The following CCL28 variants were observed in gnomAD, a reference collection of about 807,000 sequenced individuals.
CCL28 encodes the protein C-C motif chemokine ligand 28.
A neutral mutation model predicts 7.1 loss-of-function variants in CCL28; 4 were observed. The ratio of observed to expected loss-of-function variants is 0.56; its 90% confidence interval spans 0.28 to 1.29. The LOEUF (loss-of-function observed/expected upper bound fraction) is 1.29, where lower values mean the gene tolerates loss of function less well. Ranked by LOEUF, CCL28 falls within the 50% of genes most tolerant of loss-of-function variation. The pLI, the probability that CCL28 is intolerant of heterozygous loss-of-function variation, is 0.11. For synonymous variants in CCL28, 55 were observed against 57.8 expected (o/e 0.95, Z 0.22); for missense variants, 151 against 163.4 (o/e 0.92, Z 0.41).
At chr5:43,369,234 G>T in the CCL28 span, among the ~76,000 whole-genome samples, 3 of 152,150 alleles carry the variant, frequency 2.0e-5, no homozygotes, top group Non-Finnish European at 4.4e-5. Context: ...ACACTAGAAG[G>T]CAGGGATGAT....
At position 43,382,031 on chromosome 5, in the gene CCL28, T is replaced by C; in HGVS notation, c.213A>G (p.Arg71=). 3 of 1,612,248 alleles carry C rather than the reference T, an allele frequency of 1.9e-6. No individual in the cohort carries two copies. The South Asian group carries it at 3.3e-5, about 18-fold the overall frequency. The change falls in exon 3 of 3, where the codon AGA becomes AGG. Residue 71 remains arginine, a synonymous_variant. Coordinates refer to ENST00000361115, the MANE Select transcript of CCL28 (RefSeq NM_148672.3). ...TATGGTTGTGCGGGCTGACACAGAT[T>C]CTTCTGCGCTTGACATGAAGGCTGT... ...AAVILHVKRR[R]ICVSPHNHTV...
At position 43,381,697 on chromosome 5, in the gene CCL28, T is replaced by C; in HGVS notation, c.*163A>G. 1.6e-6 allele frequency: 1 copy of C among 618,192 alleles called. No individual in the cohort carries two copies. The allele number at this position is 618,192 out of a possible 1,614,324, so 38.3% of individuals were successfully genotyped here. The stretch of plus-strand genomic sequence containing the variant: ...TCATTTCATTTTCCAGTTGAGTATA[T>C]TATTGGCTACATTTGCATACCGCAC... On this transcript the variant is annotated 3_prime_UTR_variant, in exon 3 of 3. Transcript: ENST00000361115.
Position 43,412,344 on chromosome 5 carries a change from C to A in CCL28, c.-28G>T. ...CTGCCTGCCCTACTGGCACTGACAG[C>A]AACACAAGTGAGGCTGTTCGATCAG... On this transcript the variant is annotated 5_prime_UTR_variant, in exon 1 of 3. Transcript: ENST00000361115. 1 of 1,602,816 alleles carries A rather than the reference C, an allele frequency of 6.2e-7. No individual in the cohort carries two copies. Among genetic ancestry groups the A allele is most frequent in the South Asian group, 1.1e-5 (1 of 89,808 alleles).
intron 1 of CCL28, among the ~76,000 whole-genome samples, chr5:43,408,511 G>T (rs1741396205): frequency 6.6e-6 from 1 of 152,158 alleles, no homozygotes; most frequent in African/African-American, 2.4e-5. Context: ...AGCGGGGAGG[G>T]ATAGCGTTAG....
chr5:43,369,690 C>T, the CCL28 span, among the ~76,000 whole-genome samples: 7 of 152,150 alleles, frequency 4.6e-5, no homozygotes, highest in Non-Finnish European at 8.8e-5. Context: ...TCCCAACATC[C>T]TCCTGCTGGG....
downstream of CCL28, among the ~76,000 whole-genome samples, chr5:43,374,557 C>T (rs866798083): frequency 4.6e-5 from 7 of 152,078 alleles, no homozygotes; most frequent in African/African-American, 1.4e-4. Context: ...CCAAGGCGGG[C>T]GGATCACGAG....
At chr5:43,387,595 C>T (rs997475101) in intron 2 of CCL28, among the ~76,000 whole-genome samples, 1 of 151,650 alleles carries the variant, frequency 6.6e-6, no homozygotes, top group African/African-American at 2.4e-5. Context: ...CTTTTTGAAC[C>T]TTTTCTTTTG....
intron 1 of CCL28, among the ~76,000 whole-genome samples, chr5:43,391,739 C>T (rs1229083502): frequency 6.6e-6 from 1 of 152,168 alleles, no homozygotes; most frequent in Non-Finnish European, 1.5e-5. Flanking sequence ...GTGTGCCAGG[C>T]ACTAGTGTAA....
At chr5:43,399,071 G>T (rs538206826) in intron 1 of CCL28, among the ~76,000 whole-genome samples, 2 of 152,118 alleles carry the variant, frequency 1.3e-5, no homozygotes, top group African/African-American at 4.8e-5. Context: ...ATATGCACTT[G>T]GATATCCCAC....
At chr5:43,404,605 G>A (rs6866100) in intron 1 of CCL28, among the ~76,000 whole-genome samples, 5,414 of 152,096 alleles carry the variant, frequency 0.036, 262 homozygotes, top group African/African-American at 0.11. Flanking sequence ...ATCAACTAAC[G>A]GGCAAAATAA....
At chr5:43,368,568 A>G in the CCL28 span, among the ~76,000 whole-genome samples, 1 of 152,168 alleles carries the variant, frequency 6.6e-6, no homozygotes, top group Non-Finnish European at 1.5e-5. Flanking sequence ...TATGGGTTGA[A>G]TTGTTAAAGT....
intron 1 of CCL28, among the ~76,000 whole-genome samples, chr5:43,401,052 C>A (rs562733108): frequency 6.8e-6 from 1 of 147,424 alleles, no homozygotes; most frequent in African/African-American, 2.5e-5. Flanking sequence ...CACTGCACTC[C>A]AGTGTGGGCA....
the CCL28 span, among the ~76,000 whole-genome samples, chr5:43,368,295 T>A: frequency 1.3e-5 from 2 of 152,232 alleles, no homozygotes; most frequent in Non-Finnish European, 2.9e-5. Context: ...CAAACTATAA[T>A]GTATCTGAAG....
intron 1 of CCL28, among the ~76,000 whole-genome samples, chr5:43,397,967 A>T (rs10044799): frequency 0.12 from 17,597 of 152,056 alleles, 2,159 homozygotes; most frequent in African/African-American, 0.31. Context: ...AAATTTAGGC[A>T]GAGTTGGGTC....
At chr5:43,382,124 G>T in intron 2 of CCL28, 72 bp from the exon 3 acceptor site, 2 of 1,358,410 alleles carry the variant, frequency 1.5e-6, no homozygotes, top group Non-Finnish European at 2.0e-6. Context: ...TGACTTACAT[G>T]CAGCTCCCAC....
At chr5:43,403,041 G>C (rs1741108218) in intron 1 of CCL28, among the ~76,000 whole-genome samples, 1 of 152,214 alleles carries the variant, frequency 6.6e-6, no homozygotes, top group Non-Finnish European at 1.5e-5. Flanking sequence ...GCCCACTGCA[G>C]CTCAAGGAGG....
At chr5:43,406,646 G>C (rs1453313277) in intron 1 of CCL28, among the ~76,000 whole-genome samples, 7 of 152,140 alleles carry the variant, frequency 4.6e-5, no homozygotes, top group Admixed American at 4.6e-4. Flanking sequence ...GTTCTGGCCA[G>C]GGCAATTAGG....
the CCL28 span, among the ~76,000 whole-genome samples, chr5:43,370,476 A>C: frequency 6.6e-6 from 1 of 152,016 alleles, no homozygotes; most frequent in Non-Finnish European, 1.5e-5. Flanking sequence ...TGCTTCTTCT[A>C]ATATCTTTAC....
In CCL28 at chr5:43,379,618, C is replaced by G. The variant is rs1400035517; in HGVS notation, c.*2242G>C. ...TTTAACCTATGGAGACTCAGTGCCTCTGTGTGTCCCATTATCACCTCCAAG... is the reference window on the plus strand; with the variant it reads ...TTTAACCTATGGAGACTCAGTGCCTGTGTGTGTCCCATTATCACCTCCAAG... On this transcript the variant is annotated 3_prime_UTR_variant, in exon 3 of 3. Transcript: ENST00000361115. The G allele has an allele frequency of 6.6e-6, 1 of 152,232 alleles. No individual in the cohort carries two copies. Among genetic ancestry groups the G allele is most frequent in the African/African-American group, 2.4e-5 (1 of 41,460 alleles). The allele number at this position is 152,232 out of a possible 1,614,324, so 9.4% of individuals were successfully genotyped here.
Sources: allele counts gnomAD v4.1 joint callset (sites outside exome capture counted in the v4.1 genomes callset), GRCh38; gene constraint gnomAD v4.1.1; transcripts MANE v1.5; gene names NCBI Gene and HGNC (gene_info 2026-07-23, HGNC 2026-07-21).